The following KSR2 variants were observed in gnomAD, a reference collection of about 807,000 sequenced individuals.
KSR2 encodes the protein kinase suppressor of ras 2.
KSR2 carries 25 observed loss-of-function variants against 107.8 expected under a neutral mutation model. The observed-to-expected ratio is 0.23, with a 90% CI of 0.17 to 0.32. The LOEUF (loss-of-function observed/expected upper bound fraction) is 0.32. Among genes scored for constraint, KSR2 ranks in the 10% least tolerant of loss-of-function variants. KSR2 has a pLI of 1.00. For missense variants in KSR2, 887 were observed against 1,268.9 expected, an observed-to-expected ratio of 0.70 and a Z score of 4.57; for synonymous variants, 480 against 507.0, an observed-to-expected ratio of 0.95 and a Z score of 0.71.
chr12:117,826,949 T>C lies in KSR2; in HGVS notation c.472+28479A>G, dbSNP rs75029007. Among the ~76,000 whole-genome samples the C allele has an allele frequency of 2.9e-4, 42 of 146,218 alleles. 1 individual carries two copies. In the East Asian group the frequency reaches 8.3e-3, roughly 29 times the overall value. ...AAAATACAAAAAAATTAGCCGGGCA[T>C]AGAGGCACGTGCCTGTAGTCTCAGC... On this transcript the variant is annotated intron_variant, in intron 3 of 19. Transcript: ENST00000339824.
chr12:117,602,255 A>T (rs75211207), intron 5 of KSR2, among the ~76,000 whole-genome samples: 8,958 of 152,330 alleles, frequency 0.059, 759 homozygotes, highest in African/African-American at 0.18. Flanking sequence ...AAATAAAATT[A>T]ACCATTTAAA....
At chr12:117,858,505 G>C (rs1282491995) in intron 2 of KSR2, among the ~76,000 whole-genome samples, 3 of 152,190 alleles carry the variant, frequency 2.0e-5, no homozygotes. Context: ...TCTAACTTGG[G>C]ATTCTTAGAT....
At chr12:117,480,022 A>ATGTG (rs752171470) in intron 16 of KSR2, among the ~76,000 whole-genome samples, 27,520 of 141,962 alleles carry the variant, frequency 0.19, 3,035 homozygotes, top group East Asian at 0.35. Flanking sequence ...ATCATTACAC[A>ATGTG]TGTGTATGTG....
intron 5 of KSR2, among the ~76,000 whole-genome samples, chr12:117,599,992 C>T (rs952159426): frequency 3.3e-5 from 5 of 152,174 alleles, no homozygotes; most frequent in Non-Finnish European, 5.9e-5. Flanking sequence ...CCTCCCAGGT[C>T]GGTCAAGCTG....
intron 4 of KSR2, among the ~76,000 whole-genome samples, chr12:117,700,448 G>C (rs1289797880): frequency 2.6e-5 from 4 of 152,152 alleles, no homozygotes; most frequent in Non-Finnish European, 5.9e-5. Flanking sequence ...GCCATGATCT[G>C]ACCACAGCAT....
Position 117,761,130 on chromosome 12 carries a change from C to G in KSR2, c.867G>C (p.Gly289=), listed in dbSNP as rs763108965. 1.9e-6 allele frequency: 3 copies of G among 1,612,404 alleles called. No individual in the cohort carries two copies. The highest frequency in any genetic ancestry group is 1.1e-5 in the South Asian group (1 of 90,960). Residue 289 remains glycine, a synonymous_variant, in exon 4 of 20, where the codon GGG becomes GGC. Coordinates refer to ENST00000339824, the MANE Select transcript of KSR2 (RefSeq NM_173598.6). The stretch of plus-strand genomic sequence containing the variant: ...GTTTTCGGGAGGAGGGCGGTGGGGT[C>G]CCCGGGGGCTTCAGCTTGTTCTTCT... The part of the protein sequence containing the change: ...MRKKNKLKPP[G]TPPPSSRKLI...
At chr12:117,940,022 C>T (rs1313412101) in intron 1 of KSR2, among the ~76,000 whole-genome samples, 2 of 151,558 alleles carry the variant, frequency 1.3e-5, no homozygotes, top group Non-Finnish European at 2.9e-5. Flanking sequence ...GGTTCTTGAT[C>T]AGATGGTAAT....
At chr12:117,942,640 C>A (rs1896044817) in intron 1 of KSR2, among the ~76,000 whole-genome samples, 1 of 151,114 alleles carries the variant, frequency 6.6e-6, no homozygotes, top group Non-Finnish European at 1.5e-5. Flanking sequence ...AGGTGCATGC[C>A]ATCACACCTG....
rs988781365 is a variant in KSR2, at chr12:117,462,280, C to T, written c.*4919G>A. On this transcript the variant is annotated 3_prime_UTR_variant, in exon 20 of 20. Transcript: ENST00000339824. Reference sequence around the variant, plus strand: ...AAAAAGACATGTTGAAGTCCTCATTCCTAGTACCTCAGAATGAGACTTCAT... The same window carrying T: ...AAAAAGACATGTTGAAGTCCTCATTTCTAGTACCTCAGAATGAGACTTCAT... The T allele has an allele frequency of 2.2e-5, 3 of 139,000 alleles. No homozygotes were observed. The highest frequency in any genetic ancestry group is 3.1e-5 in the Non-Finnish European group (2 of 64,388). 8.6% of individuals were successfully genotyped at this position (139,000 alleles called of 1,614,324 possible). A position where few individuals can be genotyped will look rare whatever the true frequency, so the allele number is the denominator to read the frequency against.
intron 3 of KSR2, among the ~76,000 whole-genome samples, chr12:117,837,692 A>G (rs1157823661): frequency 2.0e-5 from 3 of 152,222 alleles, no homozygotes; most frequent in Non-Finnish European, 4.4e-5. Context: ...GTATCCGGTT[A>G]CAAAGCTGGT....
At chr12:117,760,688 C>CA (rs1226695221) in intron 4 of KSR2, among the ~76,000 whole-genome samples, 12 of 152,296 alleles carry the variant, frequency 7.9e-5, no homozygotes, top group Admixed American at 4.6e-4. Flanking sequence ...CTGCCATTGT[C>CA]ACACAAAAGC....
chr12:117,635,121 G>A (rs1004037536), intron 5 of KSR2, among the ~76,000 whole-genome samples: 1 of 152,170 alleles, frequency 6.6e-6, no homozygotes, highest in Non-Finnish European at 1.5e-5. Flanking sequence ...AGAGTTTGCT[G>A]CTAAAATTCA....
chr12:117,754,001 T>C (rs1888702384), intron 4 of KSR2, among the ~76,000 whole-genome samples: 1 of 132,804 alleles, frequency 7.5e-6, no homozygotes, highest in African/African-American at 2.8e-5. Context: ...TGTGTGTGTG[T>C]TTTAGGAATG....
intron 14 of KSR2, among the ~76,000 whole-genome samples, chr12:117,487,363 C>T (rs1442780317): frequency 2.6e-5 from 4 of 152,162 alleles, no homozygotes; most frequent in Non-Finnish European, 5.9e-5. Flanking sequence ...AGGCGACAGT[C>T]CCCGGGTAGC....
At position 117,632,736 on chromosome 12, in the gene KSR2, G is replaced by T. The variant is rs369803778; in HGVS notation, c.1171+34738C>A. Among the ~76,000 whole-genome samples, 8 of 152,178 alleles carry T rather than the reference G, an allele frequency of 5.3e-5. No individual in the cohort carries two copies. In the East Asian group the frequency reaches 7.7e-4, roughly 15 times the overall value. On this transcript the variant is annotated intron_variant, in intron 5 of 19. Coordinates refer to ENST00000339824, the MANE Select transcript of KSR2 (RefSeq NM_173598.6). ...CCTGGTGTCTGTTGTTCCTTTCTCT[G>T]TGTCCATGTGTGCTCAATGTTTAGC...
intron 7 of KSR2, among the ~76,000 whole-genome samples, chr12:117,566,774 A>T (rs1366652133): frequency 6.6e-6 from 1 of 152,164 alleles, no homozygotes; most frequent in Admixed American, 6.5e-5. Flanking sequence ...ATAAGACAAG[A>T]ATTCTTTCTT....
intron 3 of KSR2, among the ~76,000 whole-genome samples, chr12:117,850,203 G>C (rs1012685190): frequency 2.0e-5 from 3 of 152,216 alleles, no homozygotes; most frequent in Admixed American, 2.0e-4. Flanking sequence ...CAGCTTTTCA[G>C]AGGTAGGGAG....
intron 1 of KSR2, among the ~76,000 whole-genome samples, chr12:117,884,852 C>T (rs1368992345): frequency 2.6e-5 from 4 of 152,130 alleles, no homozygotes; most frequent in African/African-American, 9.7e-5. Context: ...TTCTTCTCTA[C>T]CATCTGCTCC....
intron 1 of KSR2, among the ~76,000 whole-genome samples, chr12:117,943,923 C>T (rs1455321651): frequency 6.6e-6 from 1 of 152,148 alleles, no homozygotes; most frequent in Non-Finnish European, 1.5e-5. Context: ...TTCTCATTCA[C>T]TCTTGCCTGC....
Sources: allele counts gnomAD v4.1 joint callset (sites outside exome capture counted in the v4.1 genomes callset), GRCh38; gene constraint gnomAD v4.1.1; transcripts MANE v1.5; gene names NCBI Gene and HGNC (gene_info 2026-07-23, HGNC 2026-07-21).